The following GRM1 variants were observed in gnomAD, a reference collection of about 807,000 sequenced individuals.
The protein encoded by GRM1 is metabotropic glutamate receptor 1.
A neutral mutation model predicts 90.9 loss-of-function variants in GRM1; 33 were observed. The ratio of observed to expected loss-of-function variants is 0.36; its 90% CI spans 0.28 to 0.49. The LOEUF is 0.49. Ranked by LOEUF, GRM1 falls within the 20% of genes least tolerant of loss-of-function variation. The pLI, the probability that GRM1 is intolerant of heterozygous loss-of-function variation, is 0.99. For synonymous variants in GRM1, 700 were observed against 613.2 expected (o/e 1.14, Z -2.09); for missense variants, 1,190 against 1,534.3 (o/e 0.78, Z 3.75).
chr6:146,311,420 T>C (rs566897259), intron 3 of GRM1, among the ~76,000 whole-genome samples: 3 of 152,248 alleles, frequency 2.0e-5, no homozygotes, highest in Non-Finnish European at 4.4e-5. Context: ...GTGAACTGAC[T>C]GTGTGTCTCA....
chr6:146,132,347 T>C (rs1033563243), intron 1 of GRM1, among the ~76,000 whole-genome samples: 1 of 152,116 alleles, frequency 6.6e-6, no homozygotes, highest in Non-Finnish European at 1.5e-5. Context: ...AAGACTTACA[T>C]TAAGGTAAGA....
intron 3 of GRM1, among the ~76,000 whole-genome samples, chr6:146,312,886 G>A (rs370873404): frequency 6.6e-6 from 1 of 152,168 alleles, no homozygotes; most frequent in African/African-American, 2.4e-5. Flanking sequence ...GGGTGGACTG[G>A]TTCCCACACA....
chr6:146,182,920 A>G (rs766877187), intron 2 of GRM1, among the ~76,000 whole-genome samples: 8 of 152,084 alleles, frequency 5.3e-5, no homozygotes, highest in Non-Finnish European at 1.2e-4. Flanking sequence ...AATTTGTTCA[A>G]TTTGTCAGGT....
intron 7 of GRM1, among the ~76,000 whole-genome samples, chr6:146,432,589 A>C (rs1380731095): frequency 6.6e-6 from 1 of 152,228 alleles, no homozygotes; most frequent in East Asian, 1.9e-4. Context: ...GTCCATTTTT[A>C]TATTCCTTTT....
chr6:146,134,441 A>C (rs1776530226), intron 1 of GRM1, among the ~76,000 whole-genome samples: 1 of 152,166 alleles, frequency 6.6e-6, no homozygotes, highest in South Asian at 2.1e-4. Context: ...AAGACTAGGT[A>C]ATTTATAAAG....
chr6:146,344,276 A>G (rs1055479024), intron 3 of GRM1, among the ~76,000 whole-genome samples: 2 of 152,172 alleles, frequency 1.3e-5, no homozygotes, highest in Non-Finnish European at 2.9e-5. Context: ...ATGAGAGACA[A>G]CTTTACTATC....
At chr6:146,345,399 T>C (rs1200718083) in intron 3 of GRM1, among the ~76,000 whole-genome samples, 2 of 152,238 alleles carry the variant, frequency 1.3e-5, no homozygotes, top group African/African-American at 4.8e-5. Flanking sequence ...ATAACATTTA[T>C]GGTTTTGTTT....
At chr6:146,259,465 G>T (rs933149712) in intron 2 of GRM1, among the ~76,000 whole-genome samples, 8 of 152,070 alleles carry the variant, frequency 5.3e-5, no homozygotes, top group African/African-American at 1.9e-4. Flanking sequence ...CAACTCCTGT[G>T]CCCCGCTGGC....
chr6:146,135,316 A>C (rs566471002), intron 1 of GRM1, among the ~76,000 whole-genome samples: 2 of 152,298 alleles, frequency 1.3e-5, no homozygotes, highest in East Asian at 1.9e-4. Flanking sequence ...CTGCAATGCT[A>C]TCTCTCCTAT....
chr6:146,086,632 C>G (rs1451297125), intron 1 of GRM1, among the ~76,000 whole-genome samples: 2 of 151,964 alleles, frequency 1.3e-5, no homozygotes, highest in African/African-American at 4.8e-5. Flanking sequence ...TGATGTCTCT[C>G]TCTCGGGGGA....
At chr6:146,169,198 T>C (rs2128893944) in intron 2 of GRM1, among the ~76,000 whole-genome samples, 1 of 152,298 alleles carries the variant, frequency 6.6e-6, no homozygotes, top group Middle Eastern at 3.4e-3. Flanking sequence ...TTGCAACATC[T>C]AATCTGCCGT....
intron 2 of GRM1, among the ~76,000 whole-genome samples, chr6:146,188,090 A>T (rs1778800031): frequency 6.6e-6 from 1 of 150,476 alleles, no homozygotes; most frequent in Admixed American, 6.6e-5. Context: ...AAAAGGATTA[A>T]TTTTTCTCTT....
chr6:146,344,871 G>C (rs1299276317), intron 3 of GRM1, among the ~76,000 whole-genome samples: 1 of 152,022 alleles, frequency 6.6e-6, no homozygotes, highest in East Asian at 1.9e-4. Flanking sequence ...GAGTGCAATG[G>C]CATGATCTCG....
intron 2 of GRM1, among the ~76,000 whole-genome samples, chr6:146,259,177 A>T (rs1781591444): frequency 6.6e-6 from 1 of 152,068 alleles, no homozygotes; most frequent in South Asian, 2.1e-4. Context: ...ACTTACTTTT[A>T]TTAATCCATC....
intron 1 of GRM1, among the ~76,000 whole-genome samples, chr6:146,127,950 A>G (rs1331491263): frequency 1.3e-5 from 2 of 152,152 alleles, no homozygotes; most frequent in Admixed American, 6.5e-5. Context: ...GGATGGAATC[A>G]TCATCATTTG....
intron 2 of GRM1, among the ~76,000 whole-genome samples, chr6:146,278,010 A>G (rs1046921228): frequency 1.3e-5 from 2 of 152,136 alleles, no homozygotes; most frequent in African/African-American, 4.8e-5. Flanking sequence ...GCTATCTGAG[A>G]TTTTTAAGTA....
intron 2 of GRM1, among the ~76,000 whole-genome samples, chr6:146,284,475 T>C (rs1256029352): frequency 6.6e-6 from 1 of 152,214 alleles, no homozygotes. Context: ...CTTTTAAGAT[T>C]CACTTCTGTG....
chr6:146,060,244 T>A (rs569566926), intron 1 of GRM1, among the ~76,000 whole-genome samples: 1 of 151,374 alleles, frequency 6.6e-6, no homozygotes, highest in Non-Finnish European at 1.5e-5. Context: ...GGTTTCTGTG[T>A]TTTTTTTTAA....
At position 146,435,109 on chromosome 6, in the gene GRM1, C is replaced by A; in HGVS notation, c.*313C>A. On this transcript the variant is annotated 3_prime_UTR_variant, in exon 8 of 8. Transcript: ENST00000282753. Reference sequence around the variant, plus strand: ...TTTATCACAAATCAAATAGTGACATCACAAACATAATGTCCTCTTTTGCAC... The same window carrying A: ...TTTATCACAAATCAAATAGTGACATAACAAACATAATGTCCTCTTTTGCAC... The A allele has an allele frequency of 2.0e-6, 1 of 490,256 alleles. No homozygotes were observed. Among genetic ancestry groups the A allele is most frequent in the Non-Finnish European group, 3.7e-6 (1 of 267,826 alleles). 30.4% of individuals were successfully genotyped at this position (490,256 alleles called of 1,614,324 possible). A position where few individuals can be genotyped will look rare whatever the true frequency, so the allele number is the denominator to read the frequency against.
Sources: allele counts gnomAD v4.1 joint callset (sites outside exome capture counted in the v4.1 genomes callset), GRCh38; gene constraint gnomAD v4.1.1; transcripts MANE v1.5; gene names NCBI Gene and HGNC (gene_info 2026-07-23, HGNC 2026-07-21).